Variants in PCDH15 observed in about 807,000 individuals in gnomAD.
The protein encoded by PCDH15 is protocadherin-15.
Under a neutral mutation model 178.5 loss-of-function variants are expected in PCDH15, and 129 were observed. That is an observed-to-expected ratio of 0.72 (90% CI 0.63 to 0.84). The LOEUF (loss-of-function observed/expected upper bound fraction) is 0.84. Among genes scored for constraint, PCDH15 ranks in the 40% least tolerant of loss-of-function variants. The pLI is 0.00. For missense variants in PCDH15, 2,230 were observed against 2,099.9 expected (o/e 1.06, Z -1.21); for synonymous variants, 800 against 732.0 (o/e 1.09, Z -1.50).
intron 18 of PCDH15, among the ~76,000 whole-genome samples, chr10:54,037,708 T>C (rs753474666): frequency 2.8e-4 from 42 of 152,110 alleles, no homozygotes; most frequent in Admixed American, 1.6e-3. Context: ...ATGTCTGAAA[T>C]ATGCTTGTAT....
At chr10:53,906,308 C>T (rs1354925386) in intron 25 of PCDH15, among the ~76,000 whole-genome samples, 1 of 151,874 alleles carries the variant, frequency 6.6e-6, no homozygotes, top group East Asian at 1.9e-4. Flanking sequence ...TGTATCCCTC[C>T]TTTGAAATGC....
At chr10:54,418,875 C>T (rs1013970048) in intron 3 of PCDH15, among the ~76,000 whole-genome samples, 1 of 151,648 alleles carries the variant, frequency 6.6e-6, no homozygotes, top group Admixed American at 6.6e-5. Context: ...GAAATATTTG[C>T]AACATTCACT....
Position 54,079,492 on chromosome 10 carries a change from T to C in PCDH15, c.1998-68A>G, listed in dbSNP as rs2094402418. On this transcript the variant is annotated intron_variant, in intron 16 of 37. Transcript: ENST00000644397. ...TATGTCACAAGGAGAGTCTTCTTAG[T>C]ATAGTGAATTACTTTTGATAGCTTT... 8 of 1,391,574 alleles carry C rather than the reference T, an allele frequency of 5.7e-6. No homozygotes were observed. The Admixed American group carries it at 1.0e-4, about 17-fold the overall frequency. The allele number at this position is 1,391,574 out of a possible 1,614,324, so 86.2% of individuals were successfully genotyped here.
chr10:55,336,596 G>A (rs115449465), intron 2 of PCDH15, among the ~76,000 whole-genome samples: 1,811 of 152,072 alleles, frequency 0.012, 33 homozygotes, highest in African/African-American at 0.039. Flanking sequence ...TATCCTAAAC[G>A]TGGAGGAAAG....
chr10:54,317,243 A>C (rs753580954), intron 8 of PCDH15, 28 bp downstream of exon 8: 1 of 1,605,270 alleles, frequency 6.2e-7, no homozygotes. Flanking sequence ...ACATGCAAAT[A>C]AATGGAGAAA....
At chr10:54,719,645 T>C (rs1941228889) in intron 1 of PCDH15, among the ~76,000 whole-genome samples, 1 of 152,086 alleles carries the variant, frequency 6.6e-6, no homozygotes, top group African/African-American at 2.4e-5. Context: ...CCCACATGCA[T>C]TAGCTATTTG....
At chr10:54,246,686 T>C (rs780460346) in intron 8 of PCDH15, among the ~76,000 whole-genome samples, 8 of 151,940 alleles carry the variant, frequency 5.3e-5, no homozygotes, top group Non-Finnish European at 1.0e-4. Flanking sequence ...ATTGCATTTG[T>C]GTTAAATAGA....
intron 3 of PCDH15, among the ~76,000 whole-genome samples, chr10:54,863,851 A>T (rs1159276229): frequency 6.6e-6 from 1 of 152,206 alleles, no homozygotes; most frequent in Non-Finnish European, 1.5e-5. Context: ...TGCAGGATGT[A>T]ACTAAGTTTC....
At chr10:55,094,318 A>G (rs577413580) in intron 2 of PCDH15, among the ~76,000 whole-genome samples, 1 of 151,480 alleles carries the variant, frequency 6.6e-6, no homozygotes, top group South Asian at 2.1e-4. Context: ...GCATGTTCTC[A>G]CTCATAGGTG....
At chr10:55,338,913 T>C (rs1485532762) in intron 2 of PCDH15, among the ~76,000 whole-genome samples, 1 of 152,060 alleles carries the variant, frequency 6.6e-6, no homozygotes, top group African/African-American at 2.4e-5. Flanking sequence ...TATTCACATG[T>C]GAAAGCTAAA....
chr10:54,929,482 A>G (rs1837713840), intron 2 of PCDH15, among the ~76,000 whole-genome samples: 1 of 152,172 alleles, frequency 6.6e-6, no homozygotes, highest in Non-Finnish European at 1.5e-5. Flanking sequence ...TATAGACATT[A>G]CTATTAATCA....
At chr10:54,585,024 A>G (rs1202111674) in intron 2 of PCDH15, among the ~76,000 whole-genome samples, 1 of 152,150 alleles carries the variant, frequency 6.6e-6, no homozygotes, top group East Asian at 1.9e-4. Flanking sequence ...ATTTTACCAA[A>G]TTGTACATAT....
chr10:55,572,432 ATATAT>A (rs1314463616), intron 2 of PCDH15, among the ~76,000 whole-genome samples: 25 of 150,796 alleles, frequency 1.7e-4, no homozygotes, highest in Admixed American at 5.3e-4. Context: ...TAGTATATTA[ATATAT>A]TATAATTTTT....
At chr10:54,344,399 C>T (rs1588938707) in intron 6 of PCDH15, among the ~76,000 whole-genome samples, 1 of 152,190 alleles carries the variant, frequency 6.6e-6, no homozygotes. Context: ...AGAATTATTG[C>T]ACAGTTAAAA....
At chr10:54,034,990 G>C (rs1191424422) in intron 18 of PCDH15, among the ~76,000 whole-genome samples, 1 of 151,838 alleles carries the variant, frequency 6.6e-6, no homozygotes, top group Non-Finnish European at 1.5e-5. Context: ...AGATTAAAAA[G>C]TGTAGGAAAC....
chr10:55,545,958 T>G (rs1369405222), intron 2 of PCDH15, among the ~76,000 whole-genome samples: 1 of 152,098 alleles, frequency 6.6e-6, no homozygotes, highest in Non-Finnish European at 1.5e-5. Context: ...TTTACAGAAA[T>G]TTTTTCAACT....
intron 1 of PCDH15, among the ~76,000 whole-genome samples, chr10:54,714,428 C>T (rs1176982789): frequency 6.6e-6 from 1 of 152,160 alleles, no homozygotes; most frequent in Non-Finnish European, 1.5e-5. Flanking sequence ...ACTTCAAACA[C>T]ATATGTACAG....
At chr10:55,457,703 C>A (rs1839584908) in intron 2 of PCDH15, among the ~76,000 whole-genome samples, 2 of 152,014 alleles carry the variant, frequency 1.3e-5, no homozygotes, top group African/African-American at 2.4e-5. Context: ...CTTTTATATG[C>A]TGATGGGTTT....
chr10:55,281,787 A>G (rs1343177021), intron 1 of PCDH15, among the ~76,000 whole-genome samples: 1 of 152,198 alleles, frequency 6.6e-6, no homozygotes, highest in Non-Finnish European at 1.5e-5. Flanking sequence ...GTCCTATTCC[A>G]GAATTTTCTC....
Sources: gnomAD v4.1 joint callset for allele counts (sites outside exome capture counted in the v4.1 genomes callset) on GRCh38, gnomAD v4.1.1 for gene constraint, MANE v1.5 for transcripts, NCBI Gene and HGNC (gene_info 2026-07-23, HGNC 2026-07-21) for gene names.